Variants in MED20 observed in about 807,000 individuals in gnomAD.
MED20 encodes the protein mediator complex subunit 20.
A neutral mutation model predicts 19.7 loss-of-function variants in MED20; 19 were observed. That is an observed-to-expected ratio of 0.96 (90% CI 0.67 to 1.42). MED20 has a LOEUF of 1.42. MED20 is among the 40% of genes most tolerant of loss of function. MED20 has a pLI of 0.00. For synonymous variants in MED20, 105 were observed against 104.8 expected (o/e 1.00, Z -0.01); for missense variants, 225 against 273.0 (o/e 0.82, Z 1.24).
intron 2 of MED20, among the ~76,000 whole-genome samples, chr6:41,910,386 C>T (rs1400400274): frequency 1.3e-5 from 2 of 152,114 alleles, no homozygotes; most frequent in Non-Finnish European, 1.5e-5. Context: ...AATCCCAACA[C>T]TTTGGGAGGC....
At chr6:41,915,221 C>A (rs1332223048) in intron 2 of MED20, among the ~76,000 whole-genome samples, 2 of 152,094 alleles carry the variant, frequency 1.3e-5, no homozygotes, top group African/African-American at 4.8e-5. Flanking sequence ...ATCCCTTGAG[C>A]TCAGGAGTTT....
intron 3 of MED20, among the ~76,000 whole-genome samples, chr6:41,907,869 C>CT (rs894323127): frequency 3.9e-5 from 6 of 152,156 alleles, no homozygotes; most frequent in Non-Finnish European, 5.9e-5. Context: ...GGCAAAATTA[C>CT]TGGCAACCCT....
chr6:41,919,133 A>AC (rs1775395060), intron 1 of MED20, among the ~76,000 whole-genome samples: 1 of 146,738 alleles, frequency 6.8e-6, no homozygotes, highest in African/African-American at 2.5e-5. Context: ...TGCCTCAAAA[A>AC]AAAAAAAAAA....
intron 2 of MED20, among the ~76,000 whole-genome samples, chr6:41,915,922 G>A (rs1180024949): frequency 1.3e-5 from 2 of 152,126 alleles, no homozygotes; most frequent in Non-Finnish European, 2.9e-5. Context: ...TGCATTAGAT[G>A]TGTACAACTA....
In MED20 at chr6:41,909,461, G is replaced by A. The variant is rs369443557; in HGVS notation, c.231C>T (p.Ala77=). 568 of 1,614,090 alleles carry A rather than the reference G, an allele frequency of 3.5e-4. No homozygotes were observed. Among genetic ancestry groups the A allele is most frequent in the Non-Finnish European group, 3.7e-4 (437 of 1,180,046 alleles). ...TAAGGCAAGGGCCATTCTCAAAGAG[G>A]GCGAAACAGCTCAATGGGTACTCTG... ...HNSEYPLSCF[A]LFENGPCLIA... The change falls in exon 3 of 4, where the codon GCC becomes GCT. Residue 77 remains alanine (A), a synonymous_variant. Coordinates refer to ENST00000265350, the MANE Select transcript of MED20 (RefSeq NM_004275.5).
chr6:41,920,725 C>T (rs1209145465), intron 1 of MED20: 8 of 352,202 alleles, frequency 2.3e-5, no homozygotes, highest in African/African-American at 6.4e-5. Context: ...GAGCCAAGAT[C>T]GCTCCACTGC....
intron 2 of MED20, among the ~76,000 whole-genome samples, chr6:41,916,006 G>C (rs1273518904): frequency 6.6e-6 from 1 of 151,914 alleles, no homozygotes; most frequent in Non-Finnish European, 1.5e-5. Context: ...CAGTACTTTG[G>C]GAAGCTGAGG....
chr6:41,918,510 G>T (rs368868039), intron 1 of MED20, among the ~76,000 whole-genome samples: 1 of 116,470 alleles, frequency 8.6e-6, no homozygotes, highest in African/African-American at 3.2e-5. Context: ...ATCTCAAAAA[G>T]AAAAAAAAAA....
chr6:41,912,926 A>AG (rs1448780110), intron 2 of MED20: 1 of 152,042 alleles, frequency 6.6e-6, no homozygotes, highest in African/African-American at 2.4e-5. Flanking sequence ...TGGGCAACAT[A>AG]GGGAGACCTT....
intron 3 of MED20, chr6:41,909,039 A>T: frequency 3.8e-6 from 2 of 528,244 alleles, no homozygotes; most frequent in South Asian, 7.3e-5. Flanking sequence ...AAAAAAATTT[A>T]ATTCGGTGGG....
At chr6:41,910,879 TG>T (rs1391145008) in intron 2 of MED20, among the ~76,000 whole-genome samples, 1 of 150,804 alleles carries the variant, frequency 6.6e-6, no homozygotes, top group Non-Finnish European at 1.5e-5. Context: ...GAGGCCAAGG[TG>T]GGTGGATCAC....
At chr6:41,918,469 C>A (rs2127381427) in intron 1 of MED20, among the ~76,000 whole-genome samples, 1 of 149,726 alleles carries the variant, frequency 6.7e-6, no homozygotes, top group South Asian at 2.1e-4. Context: ...GCACCACTGC[C>A]CTCCAGCCTG....
intron 1 of MED20, among the ~76,000 whole-genome samples, chr6:41,920,582 G>A (rs1328737637): frequency 6.6e-6 from 1 of 152,000 alleles, no homozygotes; most frequent in Non-Finnish European, 1.5e-5. Context: ...CGACACCAGC[G>A]TGGCCAATAT....
intron 1 of MED20, chr6:41,917,813 C>G: frequency 2.1e-6 from 1 of 470,914 alleles, no homozygotes; most frequent in Non-Finnish European, 4.4e-6. Context: ...TGAACTTGAG[C>G]TGTTCAGCAC....
chr6:41,909,142 C>G, intron 3 of MED20, 127 bp downstream of exon 3: 1 of 1,332,374 alleles, frequency 7.5e-7, no homozygotes, highest in Non-Finnish European at 1.0e-6. Context: ...CCATTGCATT[C>G]CAGCCTGGGT....
Position 41,909,331 on chromosome 6 carries a change from C to A in MED20, c.361G>T (p.Asp121Tyr). The A allele has an allele frequency of 6.2e-7, 1 of 1,614,154 alleles. No homozygotes were observed. Among genetic ancestry groups the A allele is most frequent in the Non-Finnish European group, 8.5e-7 (1 of 1,180,044 alleles). The part of the protein sequence containing the change: ...ETRGTRYQYC[D>Y]FLVKVGTVTM... ...ACCGTGCCCACCTTCACCAGGAAGT[C>A]ACAGTACTGGTACCTGGTGCCCCGG... The change falls in exon 3 of 4, where the codon GAC becomes TAC. Residue 121 changes from aspartate to tyrosine, a missense_variant. Coordinates refer to ENST00000265350, the MANE Select transcript of MED20 (RefSeq NM_004275.5).
intron 2 of MED20, among the ~76,000 whole-genome samples, chr6:41,910,907 G>A (rs1316621334): frequency 6.6e-6 from 1 of 151,592 alleles, no homozygotes; most frequent in African/African-American, 2.4e-5. Flanking sequence ...TCAGGAGTTC[G>A]AGACCAGCCT....
intron 2 of MED20, among the ~76,000 whole-genome samples, 167 bp from the exon 3 acceptor site, chr6:41,909,689 A>T (rs1280082552): frequency 6.6e-6 from 1 of 152,130 alleles, no homozygotes; most frequent in Admixed American, 6.5e-5. Context: ...TTTTCTAGAA[A>T]GGTAGGGGGA....
rs1463139280 is a variant in MED20 at position 41,906,671 on chromosome 6, A to C, written c.*401T>G. The C allele has an allele frequency of 5.4e-6, 1 of 184,100 alleles. No individual in the cohort carries two copies. The highest frequency in any genetic ancestry group is 1.3e-4 in the East Asian group (1 of 7,478). The allele number at this position is 184,100 out of a possible 1,614,324, so 11.4% of individuals were successfully genotyped here. On this transcript the variant is annotated 3_prime_UTR_variant, in exon 4 of 4. Coordinates refer to ENST00000265350, the MANE Select transcript of MED20 (RefSeq NM_004275.5). ...AGGCTCTTATTACAGCACAATCCAAACATAAAATGCAGCATGTTCACCATT... is the reference window on the plus strand; with the variant it reads ...AGGCTCTTATTACAGCACAATCCAACCATAAAATGCAGCATGTTCACCATT...
Sources: allele counts gnomAD v4.1 joint callset (sites outside exome capture counted in the v4.1 genomes callset), GRCh38; gene constraint gnomAD v4.1.1; transcripts MANE v1.5; gene names NCBI Gene and HGNC (gene_info 2026-07-23, HGNC 2026-07-21).